The following LYPLAL1 variants were observed in gnomAD, a reference collection of about 807,000 sequenced individuals.
LYPLAL1 encodes lysophospholipase like 1, also known as lysophospholipase-like protein 1.
LYPLAL1 carries 23 observed loss-of-function variants against 19.7 expected under a neutral mutation model. The ratio of observed to expected loss-of-function variants is 1.17; its 90% CI spans 0.84 to 1.65. LYPLAL1 has a LOEUF of 1.65. LYPLAL1 is among the 40% of genes most tolerant of loss of function. The pLI is 0.00. For missense variants in LYPLAL1, 355 were observed against 279.4 expected (o/e 1.27, Z -1.93); for synonymous variants, 119 against 96.3 (o/e 1.24, Z -1.38).
chr1:219,325,753 G>A, the LYPLAL1 span, among the ~76,000 whole-genome samples: 4 of 152,096 alleles, frequency 2.6e-5, no homozygotes, highest in African/African-American at 9.7e-5. Flanking sequence ...AGCCCACTTA[G>A]CACATATTGT....
chr1:219,334,133 G>A, the LYPLAL1 span, among the ~76,000 whole-genome samples: 1 of 151,950 alleles, frequency 6.6e-6, no homozygotes, highest in Non-Finnish European at 1.5e-5. Context: ...AGGCTTCTTT[G>A]ATCATGGTTT....
chr1:219,440,204 A>G, the LYPLAL1 span, among the ~76,000 whole-genome samples: 2 of 151,840 alleles, frequency 1.3e-5, no homozygotes, highest in Non-Finnish European at 2.9e-5. Context: ...AGAAAAAAAT[A>G]TGTAACGTAG....
the LYPLAL1 span, among the ~76,000 whole-genome samples, chr1:219,270,152 G>A: frequency 6.6e-6 from 1 of 152,206 alleles, no homozygotes; most frequent in East Asian, 1.9e-4. Context: ...ACTTCACTCA[G>A]TCAAAGATGC....
chr1:219,383,217 A>C, the LYPLAL1 span, among the ~76,000 whole-genome samples: 2 of 152,248 alleles, frequency 1.3e-5, no homozygotes, highest in African/African-American at 4.8e-5. Context: ...ACTTGTCCTA[A>C]GAACATTTAC....
the LYPLAL1 span, among the ~76,000 whole-genome samples, chr1:219,242,122 A>G: frequency 0.47 from 70,774 of 151,996 alleles, 16,867 homozygotes; most frequent in East Asian, 0.66. Flanking sequence ...GTAAGGCATC[A>G]AAGTGAGAAA....
At chr1:219,383,434 G>T in the LYPLAL1 span, among the ~76,000 whole-genome samples, 6 of 152,130 alleles carry the variant, frequency 3.9e-5, no homozygotes, top group Middle Eastern at 3.2e-3. Context: ...GTGCTTCCTG[G>T]CTCAGATGTA....
At chr1:219,246,035 T>C in the LYPLAL1 span, among the ~76,000 whole-genome samples, 1 of 152,198 alleles carries the variant, frequency 6.6e-6, no homozygotes, top group African/African-American at 2.4e-5. Flanking sequence ...GTTAACAAAT[T>C]AAAATGCTAA....
chr1:219,215,689 G>A (rs1044336207), downstream of LYPLAL1, among the ~76,000 whole-genome samples: 1 of 152,050 alleles, frequency 6.6e-6, no homozygotes, highest in African/African-American at 2.4e-5. Flanking sequence ...AGTCCACCAG[G>A]CTTTGCATGG....
At chr1:219,352,080 T>A in the LYPLAL1 span, among the ~76,000 whole-genome samples, 1 of 152,204 alleles carries the variant, frequency 6.6e-6, no homozygotes, top group Non-Finnish European at 1.5e-5. Context: ...TCTGCTCCAC[T>A]CTATAGAGGA....
chr1:219,250,798 A>C, the LYPLAL1 span, among the ~76,000 whole-genome samples: 1 of 152,080 alleles, frequency 6.6e-6, no homozygotes, highest in African/African-American at 2.4e-5. Context: ...ACAATGATTT[A>C]TATTCCTCTG....
the LYPLAL1 span, among the ~76,000 whole-genome samples, chr1:219,231,751 C>T: frequency 2.0e-5 from 3 of 152,166 alleles, no homozygotes; most frequent in East Asian, 1.9e-4. Flanking sequence ...CCCTGTAGAC[C>T]GTCTGCCATG....
At chr1:219,443,613 T>C in the LYPLAL1 span, among the ~76,000 whole-genome samples, 2 of 151,644 alleles carry the variant, frequency 1.3e-5, no homozygotes, top group Non-Finnish European at 2.9e-5. Flanking sequence ...ATAACGAAAA[T>C]AGCTTTGCTA....
At chr1:219,356,887 A>T in the LYPLAL1 span, among the ~76,000 whole-genome samples, 258 of 152,314 alleles carry the variant, frequency 1.7e-3, 7 homozygotes, top group East Asian at 0.042. Context: ...TATATTTGTC[A>T]TTTGGAACAT....
chr1:219,379,888 G>A, the LYPLAL1 span, among the ~76,000 whole-genome samples: 49 of 152,326 alleles, frequency 3.2e-4, no homozygotes, highest in African/African-American at 1.2e-3. Context: ...TAAAGGAGAA[G>A]AAAACATGCC....
At chr1:219,293,999 C>T in the LYPLAL1 span, among the ~76,000 whole-genome samples, 2 of 152,170 alleles carry the variant, frequency 1.3e-5, no homozygotes, top group South Asian at 4.1e-4. Context: ...CCTGGGGAAA[C>T]ATCCAAATTG....
the LYPLAL1 span, among the ~76,000 whole-genome samples, chr1:219,284,702 T>C: frequency 6.6e-6 from 1 of 152,200 alleles, no homozygotes; most frequent in Admixed American, 6.5e-5. Flanking sequence ...GGACTACTGT[T>C]ACTGTCTTTA....
At chr1:219,241,970 G>A in the LYPLAL1 span, among the ~76,000 whole-genome samples, 6 of 152,266 alleles carry the variant, frequency 3.9e-5, no homozygotes, top group East Asian at 5.8e-4. Flanking sequence ...ACTAATTTGA[G>A]TTGTTACTGG....
chr1:219,241,239 C>T, the LYPLAL1 span, among the ~76,000 whole-genome samples: 1 of 147,230 alleles, frequency 6.8e-6, no homozygotes, highest in African/African-American at 2.5e-5. Context: ...TAAATAGAAG[C>T]ATCTTGGATC....
the LYPLAL1 span, among the ~76,000 whole-genome samples, chr1:219,379,716 A>G: frequency 1.3e-5 from 2 of 152,192 alleles, no homozygotes; most frequent in Non-Finnish European, 2.9e-5. Context: ...GTCCCTTTAC[A>G]TTCCATTTTA....
Sources: allele counts gnomAD v4.1 joint callset (sites outside exome capture counted in the v4.1 genomes callset), GRCh38; gene constraint gnomAD v4.1.1; transcripts MANE v1.5; gene names NCBI Gene and HGNC (gene_info 2026-07-23, HGNC 2026-07-21).